Variants in NABP2 observed in about 807,000 individuals in gnomAD.
The protein encoded by NABP2 is nucleic acid binding protein 2.
Under a neutral mutation model 22.7 loss-of-function variants are expected in NABP2, and 7 were observed. The observed-to-expected ratio is 0.31, with a 90% confidence interval of 0.18 to 0.58. The LOEUF (loss-of-function observed/expected upper bound fraction) is 0.58. Ranked by LOEUF, NABP2 falls within the 20% of genes least tolerant of loss-of-function variation. NABP2 has a pLI of 0.89. For synonymous variants in NABP2, 107 were observed against 99.2 expected, an observed-to-expected ratio of 1.08 and a Z score of -0.47; for missense variants, 188 against 265.9, an observed-to-expected ratio of 0.71 and a Z score of 2.04.
In NABP2 at chr12:56,225,639, C is replaced by T. The variant is rs1174133529; in HGVS notation, c.234C>T (p.Phe78=). The T allele has an allele frequency of 6.2e-7, 1 of 1,614,118 alleles. No individual in the cohort carries two copies. Among genetic ancestry groups the T allele is most frequent in the Middle Eastern group, 1.6e-4 (1 of 6,062 alleles). Residue 78 remains phenylalanine, a synonymous_variant, in exon 4 of 7, where the codon TTC becomes TTT. Transcript: ENST00000267023. ...IRLTKGYASV[F]KGCLTLYTGR... ...CCTCCCATAGGTACGCTTCAGTTTT[C>T]AAAGGTTGTCTGACACTATATACTG...
At chr12:56,228,189 A>T (rs7311505) in intron 6 of NABP2, among the ~76,000 whole-genome samples, 120,703 of 152,018 alleles carry the variant, frequency 0.79, 52,184 homozygotes, top group Non-Finnish European at 0.95. Context: ...CGAAACTCCA[A>T]CTCAAAAAAA....
chr12:56,229,149 C>T lies in NABP2; in HGVS notation c.572C>T (p.Pro191Leu), dbSNP rs755241303. Residue 191 changes from proline (P) to leucine (L), a missense_variant, in exon 7 of 7, where the codon CCG becomes CTG. Pro to Leu is a moderately conservative substitution (Grantham distance 98). Transcript: ENST00000267023. Reference protein sequence around the residue: ...RSQPNHTPAGPPGPSSNPVSN... With the variant: ...RSQPNHTPAGLPGPSSNPVSN... Reference sequence around the variant, plus strand: ...CAGCCCAACCACACACCTGCAGGCCCGCCTGGCCCTTCCAGCAACCCTGTT... The same window carrying T: ...CAGCCCAACCACACACCTGCAGGCCTGCCTGGCCCTTCCAGCAACCCTGTT... The T allele has an allele frequency of 3.7e-6, 6 of 1,612,524 alleles. No homozygotes were observed. Among genetic ancestry groups the T allele is most frequent in the African/African-American group, 1.3e-5 (1 of 74,680 alleles).
At chr12:56,226,512 T>G in intron 6 of NABP2, 93 bp downstream of exon 6, 1 of 1,066,038 alleles carries the variant, frequency 9.4e-7, no homozygotes, top group East Asian at 2.5e-5. Context: ...TTTCCAAATC[T>G]CTCTTTTCTC....
rs780000097 is a variant in NABP2, at chr12:56,225,437, C to T, written c.144C>T (p.Gly48=). Reference sequence around the variant, plus strand: ...CCTGCAAAGTGGCGGACAAAACAGGCAGCATCAATATCTCTGTCTGGGACG... The same window carrying T: ...CCTGCAAAGTGGCGGACAAAACAGGTAGCATCAATATCTCTGTCTGGGACG... The part of the protein sequence containing the change: ...VRTCKVADKT[G]SINISVWDDV... Residue 48 remains glycine (G), a synonymous_variant, in exon 3 of 7, where the codon GGC becomes GGT. Coordinates refer to ENST00000267023, the MANE Select transcript of NABP2 (RefSeq NM_024068.4). The T allele has an allele frequency of 1.2e-6, 2 of 1,614,222 alleles. No individual in the cohort carries two copies. Among genetic ancestry groups the T allele is most frequent in the East Asian group, 2.2e-5 (1 of 44,886 alleles).
chr12:56,228,921 CTG>C (rs1869945610), intron 6 of NABP2, 91 bp from the exon 7 acceptor site: 7 of 1,172,056 alleles, frequency 6.0e-6, no homozygotes, highest in South Asian at 4.0e-5. Context: ...ATGGTGAAGA[CTG>C]TGCCACTCTT....
rs1592366933 is a variant in NABP2 at position 56,225,295 on chromosome 12, TC to T, written c.80-76del. ...CACCTTTTCCCTCATTCCACCAATA[TC>T]CACATCTCATCCTTCTGAGAGATAC... is the stretch of plus-strand genomic sequence containing the variant. On this transcript the variant is annotated intron_variant, in intron 2 of 6. Transcript: ENST00000267023. The T allele has an allele frequency of 2.5e-6, 4 of 1,578,502 alleles. No homozygotes were observed. The African/African-American group carries it at 5.4e-5, about 21-fold the overall frequency.
chr12:56,224,260 G>A (rs1869649558), upstream of NABP2: 7 of 896,078 alleles, frequency 7.8e-6, no homozygotes, highest in Non-Finnish European at 9.4e-6. Context: ...GCTGGGCAGG[G>A]CAGGCGGCGG....
At chr12:56,226,518 T>TTCTCAGTG in intron 6 of NABP2, 99 bp downstream of exon 6, 1 of 1,085,244 alleles carries the variant, frequency 9.2e-7, no homozygotes, top group South Asian at 1.3e-5. Flanking sequence ...AATCTCTCTT[T>TTCTCAGTG]TCTCAGTGTA....
intron 6 of NABP2, among the ~76,000 whole-genome samples, chr12:56,227,184 TG>T (rs1490267947): frequency 1.3e-5 from 2 of 151,640 alleles, no homozygotes; most frequent in African/African-American, 2.4e-5. Flanking sequence ...AGACCAGCCA[TG>T]GCCAACGTGG....
upstream of NABP2, among the ~76,000 whole-genome samples, chr12:56,222,990 C>G (rs1869567764): frequency 6.6e-6 from 1 of 152,084 alleles, no homozygotes; most frequent in South Asian, 2.1e-4. Context: ...AATCCCAACA[C>G]TTTGGGAGAC....
At chr12:56,223,185 G>A (rs1320711681), upstream of NABP2, among the ~76,000 whole-genome samples, 3 of 152,162 alleles carry the variant, frequency 2.0e-5, no homozygotes, top group African/African-American at 7.2e-5. Context: ...GCATTGCAGT[G>A]AGCCGAGATC....
At position 56,229,076 on chromosome 12, in the gene NABP2, C is replaced by G. The variant is rs1296856510; in HGVS notation, c.499C>G (p.Pro167Ala). ...ACCAGGTCCCGGTGGTGGCCCACAT[C>G]CCCCTCATACTCCCTCCCACCCACC... ...APPGPGGGPH[P>A]PHTPSHPPST... Residue 167 changes from proline (P) to alanine (A), a missense_variant, in exon 7 of 7, where the codon CCC (proline) becomes GCC (alanine). Coordinates refer to ENST00000267023, the MANE Select transcript of NABP2 (RefSeq NM_024068.4). 1 of 1,612,064 alleles carries G rather than the reference C, an allele frequency of 6.2e-7. No individual in the cohort carries two copies. Among genetic ancestry groups the G allele is most frequent in the Non-Finnish European group, 8.5e-7 (1 of 1,179,202 alleles).
At chr12:56,224,592 C>T (rs1284158205) in intron 1 of NABP2, 151 bp downstream of exon 1, 1 of 1,230,106 alleles carries the variant, frequency 8.1e-7, no homozygotes, top group Non-Finnish European at 1.0e-6. Flanking sequence ...CACTTCGCGG[C>T]TTGAGACTAA....
At chr12:56,224,771 G>A in intron 1 of NABP2, 63 bp from the exon 2 acceptor site, 1 of 1,427,410 alleles carries the variant, frequency 7.0e-7, no homozygotes, top group Non-Finnish European at 9.8e-7. Flanking sequence ...GTAGGCCTTG[G>A]GAAGTGGAGC....
rs1351990175 is a variant in NABP2 at position 56,229,461 on chromosome 12, G to A, written c.*248G>A. 1.4e-5 allele frequency: 7 copies of A among 514,294 alleles called. No homozygotes were observed. The highest frequency in any genetic ancestry group is 8.4e-5 in the South Asian group (4 of 47,478). The allele number at this position is 514,294 out of a possible 1,614,324, so 31.9% of individuals were successfully genotyped here. A position where few individuals can be genotyped will look rare whatever the true frequency, so the allele number is the denominator to read the frequency against. ...TAGAAATGGCAGTTACTGGCTGGGC[G>A]CAGTGGCTCACGCTTGTAATCCCAG... is the stretch of plus-strand genomic sequence containing the variant. On this transcript the variant is annotated 3_prime_UTR_variant, in exon 7 of 7. Transcript: ENST00000267023.
At chr12:56,226,793 G>A (rs546811430) in intron 6 of NABP2, among the ~76,000 whole-genome samples, 3 of 135,316 alleles carry the variant, frequency 2.2e-5, no homozygotes, top group East Asian at 2.3e-4. Flanking sequence ...GTGTGACCTC[G>A]GCTCACTTCA....
At chr12:56,224,647 C>A in intron 1 of NABP2, 187 bp from the exon 2 acceptor site, 1 of 996,942 alleles carries the variant, frequency 1.0e-6, no homozygotes, top group Non-Finnish European at 1.4e-6. Context: ...AGCAGCCTGT[C>A]CAGAGACCCC....
chr12:56,225,541 A>C, intron 3 of NABP2, 30 bp downstream of exon 3: 1 of 1,614,188 alleles, frequency 6.2e-7, no homozygotes, highest in Admixed American at 1.7e-5. Flanking sequence ...CTGGCCTTCC[A>C]AAGGCAACAA....
rs1228053023 is a variant in NABP2, at chr12:56,229,311, C to T, written c.*98C>T. The T allele has an allele frequency of 5.2e-6, 7 of 1,346,488 alleles. No individual in the cohort carries two copies. Among genetic ancestry groups the T allele is most frequent in the Non-Finnish European group, 6.2e-6 (6 of 962,074 alleles). 83.4% of individuals were successfully genotyped at this position (1,346,488 alleles called of 1,614,324 possible). A position where few individuals can be genotyped will look rare whatever the true frequency, so the allele number is the denominator to read the frequency against. ...TTGGCTGGTGTAGCAGTATTTTAGC[C>T]ACTGAACTTCAGTGGAGGGTGGTGA... On this transcript the variant is annotated 3_prime_UTR_variant, in exon 7 of 7. Coordinates refer to ENST00000267023, the MANE Select transcript of NABP2 (RefSeq NM_024068.4).
Sources: allele counts gnomAD v4.1 joint callset (sites outside exome capture counted in the v4.1 genomes callset), GRCh38; gene constraint gnomAD v4.1.1; transcripts MANE v1.5; gene names NCBI Gene and HGNC (gene_info 2026-07-23, HGNC 2026-07-21).